The following RXRA variants were observed in gnomAD, a reference collection of about 807,000 sequenced individuals.
RXRA encodes retinoic acid receptor RXR-alpha.
In RXRA, 5 loss-of-function variants were observed where a neutral mutation model predicts 44.5. The observed-to-expected ratio is 0.11, with a 90% confidence interval of 0.06 to 0.24. RXRA has a LOEUF of 0.24. RXRA is among the 10% of genes least tolerant of loss of function. The pLI is 1.00. For synonymous variants in RXRA, 291 were observed against 271.4 expected, an observed-to-expected ratio of 1.07 and a Z score of -0.71; for missense variants, 412 against 646.5, an observed-to-expected ratio of 0.64 and a Z score of 3.93.
At position 134,329,631 on chromosome 9, in the gene RXRA, C is replaced by T. The variant is rs142515565; in HGVS notation, c.28+2972C>T. 5.6e-4 allele frequency among the ~76,000 whole-genome samples: 85 copies of T among 152,146 alleles called. No homozygotes were observed. The East Asian group carries it at 0.01, about 18-fold the overall frequency. On this transcript the variant is annotated intron_variant, in intron 1 of 9. Transcript: ENST00000481739. ...TTGGGGTGTGGGGTGCAGGTTGAGC[C>T]GGCAGCCCTGGTCACGCGGGCAGCT...
intron 6 of RXRA, chr9:134,427,214 T>C (rs1831449495): frequency 3.1e-6 from 3 of 973,820 alleles, no homozygotes; most frequent in Non-Finnish European, 3.7e-6. Flanking sequence ...AAAATCTGGC[T>C]GGGCAGTGTG....
At position 134,409,150 on chromosome 9, in the gene RXRA, C is replaced by G. The variant is rs1477589052; in HGVS notation, c.610+31C>G. 1.2e-5 allele frequency: 18 copies of G among 1,513,430 alleles called. No homozygotes were observed. In the Admixed American group the frequency reaches 2.1e-4, roughly 18 times the overall value. The allele number at this position is 1,513,430 out of a possible 1,614,324, so 93.8% of individuals were successfully genotyped here. A position where few individuals can be genotyped will look rare whatever the true frequency, so the allele number is the denominator to read the frequency against. On this transcript the variant is annotated intron_variant, in intron 4 of 9. Coordinates refer to ENST00000481739, the MANE Select transcript of RXRA (RefSeq NM_002957.6). ...CCACGGCGTCGGGTGGGGGCGCGGG[C>G]AGGTGTTGGACAAACAGTGGGGCCC... is the stretch of plus-strand genomic sequence containing the variant.
intron 4 of RXRA, among the ~76,000 whole-genome samples, chr9:134,412,613 C>T (rs976915989): frequency 3.9e-5 from 6 of 152,094 alleles, no homozygotes; most frequent in East Asian, 1.9e-4. Context: ...GCAGCATTCC[C>T]GGGACCAGGG....
At chr9:134,377,038 G>A (rs1028671983) in intron 1 of RXRA, among the ~76,000 whole-genome samples, 2 of 152,240 alleles carry the variant, frequency 1.3e-5, no homozygotes, top group African/African-American at 2.4e-5. Context: ...TTTCCTGGCA[G>A]CCCTGTGACT....
At chr9:134,362,724 C>T (rs1014103309) in intron 1 of RXRA, among the ~76,000 whole-genome samples, 5 of 152,172 alleles carry the variant, frequency 3.3e-5, no homozygotes, top group African/African-American at 4.8e-5. Context: ...GCAAGGCCCC[C>T]ACGAGTGTAC....
chr9:134,431,864 C>A (rs778747208), intron 7 of RXRA, 41 bp from the exon 8 acceptor site: 1 of 1,501,708 alleles, frequency 6.7e-7, no homozygotes, highest in South Asian at 1.1e-5. Flanking sequence ...GTGAGGGCTG[C>A]GACCTAACTG....
chr9:134,422,733 G>A, intron 6 of RXRA: 2 of 985,444 alleles, frequency 2.0e-6, no homozygotes, highest in East Asian at 1.1e-4. Context: ...TTGGGGGAAG[G>A]GCCTGGGGCC....
intron 3 of RXRA, 61 bp from the exon 4 acceptor site, chr9:134,408,879 G>C (rs1805349): frequency 1.4e-6 from 2 of 1,423,406 alleles, no homozygotes; most frequent in Admixed American, 2.7e-5. Flanking sequence ...CGTTGGATGG[G>C]GGGTGGGCTC....
At chr9:134,381,229 G>A (rs1055825130) in intron 1 of RXRA, among the ~76,000 whole-genome samples, 3 of 152,192 alleles carry the variant, frequency 2.0e-5, no homozygotes, top group East Asian at 3.9e-4. Context: ...AGAGGCAGGC[G>A]TATGGGAGTG....
intron 1 of RXRA, among the ~76,000 whole-genome samples, chr9:134,363,719 C>A (rs985633682): frequency 6.6e-6 from 1 of 152,204 alleles, no homozygotes; most frequent in South Asian, 2.1e-4. Flanking sequence ...CTGGCCAGTG[C>A]GTCTCCCAGT....
At chr9:134,392,150 T>G (rs1830809533) in intron 1 of RXRA, among the ~76,000 whole-genome samples, 1 of 152,190 alleles carries the variant, frequency 6.6e-6, no homozygotes, top group South Asian at 2.1e-4. Flanking sequence ...GGACGTCACA[T>G]GCAGGCGATT....
chr9:134,395,367 T>C (rs915988444), intron 1 of RXRA, among the ~76,000 whole-genome samples: 3 of 152,202 alleles, frequency 2.0e-5, no homozygotes, highest in Non-Finnish European at 2.9e-5. Context: ...GGGCTGATCA[T>C]GGAAGGGCCC....
intron 1 of RXRA, among the ~76,000 whole-genome samples, chr9:134,333,419 G>A (rs1554746924): frequency 6.6e-6 from 1 of 152,136 alleles, no homozygotes; most frequent in East Asian, 1.9e-4. Flanking sequence ...GCTGGGCCTC[G>A]GTTTCCCCAG....
chr9:134,355,038 T>G lies in RXRA; in HGVS notation c.28+28379T>G, dbSNP rs370638970. Among the ~76,000 whole-genome samples the G allele has an allele frequency of 4.6e-5, 7 of 152,342 alleles. No homozygotes were observed. The East Asian group carries it at 1.4e-3, about 29-fold the overall frequency. ...GGTCTAGAAGTGGTCAGGACCATGA[T>G]CCCAGGAGGCATATACATCCCATCT... On this transcript the variant is annotated intron_variant, in intron 1 of 9. Transcript: ENST00000481739.
At chr9:134,427,170 CA>C (rs530330321) in intron 6 of RXRA, 72,355 of 675,154 alleles carry the variant, frequency 0.11, 7 homozygotes, top group Middle Eastern at 0.12. Context: ...TGGGCAAAAA[CA>C]AAAAAAAAAA....
intron 1 of RXRA, among the ~76,000 whole-genome samples, chr9:134,362,308 CCTT>C (rs774785871): frequency 2.6e-5 from 4 of 152,194 alleles, no homozygotes; most frequent in Non-Finnish European, 4.4e-5. Flanking sequence ...GGTCGCCCCT[CCTT>C]CGAAGACTCT....
intron 1 of RXRA, among the ~76,000 whole-genome samples, chr9:134,386,437 C>T (rs1485701847): frequency 1.3e-5 from 2 of 152,234 alleles, no homozygotes; most frequent in East Asian, 3.9e-4. Context: ...GGGTGGGTGC[C>T]TGTGTCTTGC....
intron 1 of RXRA, among the ~76,000 whole-genome samples, chr9:134,327,575 G>C (rs1564255292): frequency 6.6e-6 from 1 of 152,192 alleles, no homozygotes; most frequent in East Asian, 1.9e-4. Context: ...GCCGGGTGAA[G>C]GATTTGTGCT....
chr9:134,354,140 G>A (rs1177415361), intron 1 of RXRA, among the ~76,000 whole-genome samples: 1 of 152,216 alleles, frequency 6.6e-6, no homozygotes, highest in African/African-American at 2.4e-5. Flanking sequence ...ATGGGATGGG[G>A]TGCCTGGGTC....
Sources: allele counts gnomAD v4.1 joint callset (sites outside exome capture counted in the v4.1 genomes callset), GRCh38; gene constraint gnomAD v4.1.1; transcripts MANE v1.5; gene names NCBI Gene and HGNC (gene_info 2026-07-23, HGNC 2026-07-21).